APC: variants seen among roughly 807,000 people sequenced by gnomAD.
APC encodes the protein APC regulator of Wnt signaling pathway, also known as adenomatous polyposis coli protein.
A neutral mutation model predicts 247.0 loss-of-function variants in APC; 72 were observed. That is an observed-to-expected ratio of 0.29 (90% CI 0.24 to 0.35). APC has a LOEUF of 0.35. Ranked by LOEUF, APC falls within the 10% of genes least tolerant of loss-of-function variation. APC has a pLI of 1.00. For missense variants in APC, 3,400 were observed against 3,360.7 expected, an observed-to-expected ratio of 1.01 and a Z score of -0.29; for synonymous variants, 1,254 against 1,162.5, an observed-to-expected ratio of 1.08 and a Z score of -1.60.
intron 1 of APC, among the ~76,000 whole-genome samples, chr5:112,728,019 G>C (rs1281822694): frequency 6.6e-6 from 1 of 151,126 alleles, no homozygotes; most frequent in Non-Finnish European, 1.5e-5. Context: ...CCAACCCACA[G>C]CTTTGAATGC....
At chr5:112,822,658 A>G (rs186772443) in intron 11 of APC, among the ~76,000 whole-genome samples, 50 of 152,230 alleles carry the variant, frequency 3.3e-4, no homozygotes, top group African/African-American at 1.0e-3. Flanking sequence ...TACATGTGGT[A>G]TTTATAAATT....
chr5:112,755,915 G>A (rs1219321387), intron 2 of APC, among the ~76,000 whole-genome samples: 3 of 150,314 alleles, frequency 2.0e-5, no homozygotes, highest in Non-Finnish European at 4.4e-5. Context: ...CTCGAGACCT[G>A]CCTGGGCAAT....
rs561571318 is a variant in APC, at chr5:112,800,771, A to G, written c.730-508A>G. 6.6e-5 allele frequency among the ~76,000 whole-genome samples: 10 copies of G among 152,222 alleles called. No individual in the cohort carries two copies. The South Asian group carries it at 2.1e-3, about 32-fold the overall frequency. ...TGCATTAGAAAAGGCTTTGGGTTTTATTCATATCAGAAGCTAAGAGCCTAT... is the reference window on the plus strand; with the variant it reads ...TGCATTAGAAAAGGCTTTGGGTTTTGTTCATATCAGAAGCTAAGAGCCTAT... On this transcript the variant is annotated intron_variant, in intron 7 of 15. Coordinates refer to ENST00000257430, the MANE Select transcript of APC (RefSeq NM_000038.6).
rs764042245 is a variant in APC, at chr5:112,827,091, T to G, written c.1409-17T>G. On this transcript the variant is annotated splice_polypyrimidine_tract_variant and intron_variant, in intron 11 of 15. Transcript: ENST00000257430. Reference sequence around the variant, plus strand: ...TTTTAGATGATTGTCTTTTTCCTCTTGCCCTTTTTAAATTAGGGGGACTAC... The same window carrying G: ...TTTTAGATGATTGTCTTTTTCCTCTGGCCCTTTTTAAATTAGGGGGACTAC... The G allele has an allele frequency of 6.2e-7, 1 of 1,613,318 alleles. No homozygotes were observed. The highest frequency in any genetic ancestry group is 8.5e-7 in the Non-Finnish European group (1 of 1,179,646).
In APC at chr5:112,839,667, C is replaced by T. The variant is rs730881249; in HGVS notation, c.4073C>T (p.Ala1358Val). 6.6e-5 allele frequency: 106 copies of T among 1,613,966 alleles called. No homozygotes were observed. The highest frequency in any genetic ancestry group is 8.1e-5 in the Non-Finnish European group (95 of 1,180,022). ...RHKAVEFSSGAKSPSKSGAQT... is the reference protein window; with the variant it reads ...RHKAVEFSSGVKSPSKSGAQT... ...AAAGCTGTTGAATTTTCTTCAGGAG[C>T]GAAATCTCCCTCCAAAAGTGGTGCT... Residue 1358 changes from alanine to valine, a missense_variant, in exon 16 of 16, where the codon GCG (alanine) becomes GTG (valine). This residue lies in a region of APC where 715 missense variants were observed against 656.6 expected (regional missense o/e 1.09). Transcript: ENST00000257430. This position sits in a 1 kb window ranked among gnomAD's most constrained non-coding sequence, Gnocchi z 5.0.
At chr5:112,800,494 G>A (rs1307380777) in intron 7 of APC, among the ~76,000 whole-genome samples, 2 of 152,050 alleles carry the variant, frequency 1.3e-5, no homozygotes, top group African/African-American at 4.8e-5. Context: ...ATTACGTTAG[G>A]AATCATTTTG....
At chr5:112,743,462 TG>T (rs1693013843) in intron 1 of APC, among the ~76,000 whole-genome samples, 1 of 152,250 alleles carries the variant, frequency 6.6e-6, no homozygotes, top group African/African-American at 2.4e-5. Flanking sequence ...TTTTTACTTT[TG>T]CGAATGTGTG....
chr5:112,720,131 A>G (rs936383299), intron 1 of APC, among the ~76,000 whole-genome samples: 10 of 152,228 alleles, frequency 6.6e-5, no homozygotes, highest in African/African-American at 1.4e-4. Context: ...AAAATTTAGT[A>G]TAACATACCA....
chr5:112,761,095 C>T (rs1183135636), intron 2 of APC, among the ~76,000 whole-genome samples: 1 of 152,124 alleles, frequency 6.6e-6, no homozygotes, highest in African/African-American at 2.4e-5. Flanking sequence ...AGGTGTGAGC[C>T]ACCACCCCCA....
chr5:112,722,372 C>T (rs1751528800), intron 1 of APC, among the ~76,000 whole-genome samples: 2 of 152,218 alleles, frequency 1.3e-5, no homozygotes, highest in Non-Finnish European at 2.9e-5. Context: ...ATCTGTGTCT[C>T]ATCTTGGGAA....
intron 8 of APC, among the ~76,000 whole-genome samples, chr5:112,807,168 C>T (rs926794534): frequency 3.3e-5 from 5 of 151,140 alleles, no homozygotes; most frequent in African/African-American, 1.2e-4. Flanking sequence ...AACCAAAGTG[C>T]TGGAACTACA....
chr5:112,806,126 G>A (rs1580473034), intron 8 of APC, among the ~76,000 whole-genome samples: 1 of 152,168 alleles, frequency 6.6e-6, no homozygotes, highest in African/African-American at 2.4e-5. Flanking sequence ...GTTAACACCA[G>A]TTCATGTGTG....
intron 1 of APC, among the ~76,000 whole-genome samples, chr5:112,713,424 C>G (rs1561398343): frequency 6.6e-6 from 1 of 152,130 alleles, no homozygotes; most frequent in Non-Finnish European, 1.5e-5. Context: ...CTAAACCGTT[C>G]ACAGAAGCCC....
At position 112,804,415 on chromosome 5, in the gene APC, G is replaced by T. The variant is rs139946761; in HGVS notation, c.834+3032G>T. On this transcript the variant is annotated intron_variant, in intron 8 of 15. Transcript: ENST00000257430. ...ACTTTTTTTTTGGAGACAGAGTCTC[G>T]CTCTGTCAGCAGGCTGGAGTGCAAT... 9.9e-4 allele frequency among the ~76,000 whole-genome samples: 151 copies of T among 151,956 alleles called. No individual in the cohort carries two copies. The Middle Eastern group carries it at 0.01, about 10-fold the overall frequency.
rs864622256 is a variant in APC at position 112,840,783 on chromosome 5, C to T, written c.5189C>T (p.Ser1730Phe). ...EGDILAECIN[S>F]AMPKGKSHKP... ...GATATTCTTGCAGAATGCATTAATT[C>T]TGCTATGCCCAAAGGGAAAAGTCAC... The change falls in exon 16 of 16, where the codon TCT (serine) becomes TTT (phenylalanine). Residue 1730 changes from serine to phenylalanine, a missense_variant. This residue lies in a region of APC where 1,788 missense variants were observed against 1,649.5 expected (regional missense o/e 1.08). Coordinates refer to ENST00000257430, the MANE Select transcript of APC (RefSeq NM_000038.6). This position sits in a 1 kb window ranked among gnomAD's most constrained non-coding sequence, Gnocchi z 4.1. The T allele has an allele frequency of 5.0e-6, 8 of 1,613,884 alleles. No individual in the cohort carries two copies. Among genetic ancestry groups the T allele is most frequent in the African/African-American group, 2.7e-5 (2 of 74,912 alleles).
At chr5:112,769,050 C>T (rs368884409) in intron 4 of APC, among the ~76,000 whole-genome samples, 70 of 96,750 alleles carry the variant, frequency 7.2e-4, no homozygotes, top group East Asian at 1.9e-3. Context: ...TTTTTTTCTT[C>T]TTTTTTTTTT....
rs1340064302 is a variant in APC at position 112,780,777 on chromosome 5, T to C, written c.532-13T>C. On this transcript the variant is annotated splice_polypyrimidine_tract_variant and intron_variant, in intron 5 of 15. Coordinates refer to ENST00000257430, the MANE Select transcript of APC (RefSeq NM_000038.6). ...ACAAGATATTGATACTTTTTTATTA[T>C]TTGTGGTTTTAGTTTTCCTTACAAA... 6.4e-7 allele frequency: 1 copy of C among 1,554,036 alleles called. No homozygotes were observed. Among genetic ancestry groups the C allele is most frequent in the Admixed American group, 1.7e-5 (1 of 59,762 alleles).
At chr5:112,707,930 C>T (rs1349403849) in intron 1 of APC, 3 of 1,305,914 alleles carry the variant, frequency 2.3e-6, no homozygotes, top group Admixed American at 2.4e-5. Context: ...AAAGCTTCCT[C>T]GGCTTTGCCC....
Position 112,842,236 on chromosome 5 carries a change from A to G in APC, c.6642A>G (p.Lys2214=), listed in dbSNP as rs1580673127. 16 of 1,614,022 alleles carry G rather than the reference A, an allele frequency of 9.9e-6. No homozygotes were observed. In the East Asian group the frequency reaches 3.6e-4, roughly 36 times the overall value. ...ATTCAGAAATTTCAGGCCAAATGAA[A>G]CAGCCCCTTCAAGCAAACATGCCTT... ...RSNSEISGQM[K]QPLQANMPSI... Residue 2214 remains lysine, a synonymous_variant, in exon 16 of 16, where the codon AAA becomes AAG. Coordinates refer to ENST00000257430, the MANE Select transcript of APC (RefSeq NM_000038.6).
Sources: gnomAD v4.1 joint callset for allele counts (sites outside exome capture counted in the v4.1 genomes callset) on GRCh38, gnomAD v4.1.1 for gene constraint, gnomAD v4.1.1 regional missense constraint, Gnocchi (gnomAD v3.1) non-coding constraint, MANE v1.5 for transcripts, NCBI Gene and HGNC (gene_info 2026-07-23, HGNC 2026-07-21) for gene names.